The following DENND1B variants were observed in gnomAD, a reference collection of about 807,000 sequenced individuals.
DENND1B encodes DENN domain-containing protein 1B.
In DENND1B, 59 loss-of-function variants were observed where a neutral mutation model predicts 90.1. The ratio of observed to expected loss-of-function variants is 0.65; its 90% CI spans 0.53 to 0.81. DENND1B has a LOEUF of 0.81. Among genes scored for constraint, DENND1B ranks in the 40% least tolerant of loss-of-function variants. DENND1B has a pLI of 0.00. For synonymous variants in DENND1B, 337 were observed against 324.6 expected, an observed-to-expected ratio of 1.04 and a Z score of -0.41; for missense variants, 862 against 912.6, an observed-to-expected ratio of 0.94 and a Z score of 0.71.
intron 15 of DENND1B, among the ~76,000 whole-genome samples, chr1:197,571,294 A>C (rs913276023): frequency 4.6e-5 from 7 of 152,232 alleles, no homozygotes; most frequent in Non-Finnish European, 1.0e-4. Flanking sequence ...TTAGAATAAA[A>C]GGTAAACTCC....
chr1:197,761,868 C>T (rs1175229980), intron 2 of DENND1B: 1 of 151,406 alleles, frequency 6.6e-6, no homozygotes, highest in Non-Finnish European at 1.5e-5. Flanking sequence ...ACCAGTTCTG[C>T]CTACAAAGTT....
intron 20 of DENND1B, among the ~76,000 whole-genome samples, chr1:197,517,427 A>G (rs920284746): frequency 2.6e-5 from 4 of 151,842 alleles, no homozygotes; most frequent in African/African-American, 9.7e-5. Flanking sequence ...TCAACCCCTT[A>G]TATTTGTCCT....
intron 10 of DENND1B, among the ~76,000 whole-genome samples, chr1:197,619,824 G>A (rs1677986024): frequency 1.3e-5 from 2 of 151,176 alleles, no homozygotes; most frequent in Admixed American, 1.3e-4. Context: ...GTAATTATAT[G>A]CAGAGTCACA....
At chr1:197,649,869 G>T in intron 7 of DENND1B, among the ~76,000 whole-genome samples, 1 of 152,092 alleles carries the variant, frequency 6.6e-6, no homozygotes, top group East Asian at 1.9e-4. Context: ...ATAAATAGTT[G>T]GGACTTAATT....
At chr1:197,699,587 G>C (rs913808260) in intron 3 of DENND1B, among the ~76,000 whole-genome samples, 5 of 152,006 alleles carry the variant, frequency 3.3e-5, no homozygotes, top group African/African-American at 1.2e-4. Context: ...AGAAATAAAG[G>C]GAACTCAAAT....
intron 5 of DENND1B, among the ~76,000 whole-genome samples, chr1:197,667,355 A>AT (rs1266729373): frequency 1.3e-5 from 2 of 152,044 alleles, no homozygotes; most frequent in Non-Finnish European, 2.9e-5. Context: ...CATCAGCAAT[A>AT]TTTTTTTCTC....
intron 2 of DENND1B, among the ~76,000 whole-genome samples, chr1:197,764,389 T>C (rs982302994): frequency 2.0e-5 from 3 of 152,216 alleles, no homozygotes; most frequent in African/African-American, 7.2e-5. Context: ...ACTGGAAGCC[T>C]AATCAGAGAA....
At position 197,707,545 on chromosome 1, in the gene DENND1B, CATT is replaced by C. The variant is rs370060156; in HGVS notation, c.126+7483_126+7485del. Among the ~76,000 whole-genome samples the C allele has an allele frequency of 5.0e-4, 74 of 148,340 alleles. 1 individual carries two copies. The East Asian group carries it at 0.012, about 23-fold the overall frequency. ...TCACATATATGTATAATATCTATAT[CATT>C]ATCACCCATATATATGTGTAATTAT... On this transcript the variant is annotated intron_variant, in intron 3 of 22. Transcript: ENST00000620048.
At chr1:197,593,354 A>G (rs1191762415) in intron 14 of DENND1B, among the ~76,000 whole-genome samples, 1 of 143,564 alleles carries the variant, frequency 7.0e-6, no homozygotes, top group Non-Finnish European at 1.5e-5. Flanking sequence ...AAATACTCCT[A>G]AAAAAAAAAA....
At chr1:197,656,794 ACT>A (rs1441468347) in intron 6 of DENND1B, among the ~76,000 whole-genome samples, 2 of 151,820 alleles carry the variant, frequency 1.3e-5, no homozygotes, top group Non-Finnish European at 2.9e-5. Flanking sequence ...ACAGAGCAAG[ACT>A]CTGTCTCCAA....
At position 197,506,886 on chromosome 1, in the gene DENND1B, T is replaced by C. The variant is rs1667754855; in HGVS notation, c.*3574A>G. On this transcript the variant is annotated 3_prime_UTR_variant, in exon 23 of 23. Coordinates refer to ENST00000620048, the MANE Select transcript of DENND1B (RefSeq NM_001195215.2). ...GTATTGAAAAGGAGCATCATTCCAT[T>C]ATAGAGAGCCCTGTGCAGCCTGGTT... 1 of 151,398 alleles carries C rather than the reference T, an allele frequency of 6.6e-6. No individual in the cohort carries two copies. Among genetic ancestry groups the C allele is most frequent in the African/African-American group, 2.4e-5 (1 of 41,356 alleles). The allele number at this position is 151,398 out of a possible 1,614,324, so 9.4% of individuals were successfully genotyped here.
chr1:197,655,203 C>T (rs1019588322), intron 6 of DENND1B, among the ~76,000 whole-genome samples: 1 of 152,082 alleles, frequency 6.6e-6, no homozygotes, highest in Admixed American at 6.6e-5. Context: ...ACACAGAATC[C>T]AGTGAACAAA....
rs1558224410 is a variant in DENND1B, at chr1:197,545,999, G to GA, written c.1282-10dup. 3.1e-6 allele frequency: 5 copies of GA among 1,589,666 alleles called. No homozygotes were observed. The highest frequency in any genetic ancestry group is 4.3e-6 in the Non-Finnish European group (5 of 1,172,574). ...AACAGTGCACCTCCTTTCTGCAAAA[G>GA]AAAAACAGAAACATATTTCCAAAAA... On this transcript the variant is annotated splice_polypyrimidine_tract_variant and intron_variant, in intron 17 of 22. Transcript: ENST00000620048.
At chr1:197,715,929 T>A (rs1660602829) in intron 2 of DENND1B, among the ~76,000 whole-genome samples, 1 of 151,568 alleles carries the variant, frequency 6.6e-6, no homozygotes, top group South Asian at 2.1e-4. Flanking sequence ...ATGGATTATT[T>A]CTTCTGGGCA....
intron 2 of DENND1B, among the ~76,000 whole-genome samples, chr1:197,762,597 A>G (rs1655223631): frequency 6.6e-6 from 1 of 152,156 alleles, no homozygotes; most frequent in South Asian, 2.1e-4. Flanking sequence ...AATCCCTAAT[A>G]CAATACAATT....
chr1:197,721,875 A>T (rs529322237), intron 2 of DENND1B, among the ~76,000 whole-genome samples: 1 of 152,276 alleles, frequency 6.6e-6, no homozygotes, highest in African/African-American at 2.4e-5. Flanking sequence ...TTATTTCAAA[A>T]TTGAATGTTT....
At chr1:197,752,498 A>G (rs1308020048) in intron 2 of DENND1B, among the ~76,000 whole-genome samples, 2 of 152,036 alleles carry the variant, frequency 1.3e-5, no homozygotes, top group African/African-American at 4.8e-5. Context: ...AACTAAATTA[A>G]GTTTCTATAT....
At chr1:197,679,610 T>C (rs1323211558) in intron 3 of DENND1B, among the ~76,000 whole-genome samples, 1 of 150,442 alleles carries the variant, frequency 6.6e-6, no homozygotes, top group Non-Finnish European at 1.5e-5. Flanking sequence ...TTTATGTACT[T>C]ACATATATTA....
intron 15 of DENND1B, among the ~76,000 whole-genome samples, chr1:197,565,017 T>G (rs1211335033): frequency 6.6e-6 from 1 of 152,054 alleles, no homozygotes; most frequent in Non-Finnish European, 1.5e-5. Context: ...CATTTTTTCA[T>G]GTTATAAAAT....
Sources: gnomAD v4.1 joint callset for allele counts (sites outside exome capture counted in the v4.1 genomes callset) on GRCh38, gnomAD v4.1.1 for gene constraint, MANE v1.5 for transcripts, NCBI Gene and HGNC (gene_info 2026-07-23, HGNC 2026-07-21) for gene names.